The following KCNAB2 variants were observed in gnomAD, a reference collection of about 807,000 sequenced individuals.
KCNAB2 encodes the protein potassium voltage-gated channel subfamily A regulatory beta subunit 2, also known as voltage-gated potassium channel subunit beta-2.
In KCNAB2, 29 loss-of-function variants were observed where a neutral mutation model predicts 63.6. The observed-to-expected ratio is 0.46, with a 90% CI of 0.34 to 0.62. The LOEUF is 0.62. Ranked by LOEUF, KCNAB2 falls within the 20% of genes least tolerant of loss-of-function variation. The probability of loss-of-function intolerance (pLI) is 0.01; values close to 1 mark genes in which losing one functional copy is unlikely to be tolerated. For missense variants in KCNAB2, 359 were observed against 563.9 expected (o/e 0.64, Z 3.68); for synonymous variants, 222 against 224.2 (o/e 0.99, Z 0.09).
At chr1:6,095,681 G>T in intron 13 of KCNAB2, 57 bp downstream of exon 13, 1 of 1,516,174 alleles carries the variant, frequency 6.6e-7, no homozygotes, top group Non-Finnish European at 9.2e-7. Context: ...TTGGACGGGT[G>T]GGACCTTTGG....
chr1:6,082,129 G>A, intron 4 of KCNAB2, 66 bp from the exon 5 acceptor site: 3 of 1,402,936 alleles, frequency 2.1e-6, no homozygotes, highest in Non-Finnish European at 3.0e-6. Flanking sequence ...GGCCGAGAGG[G>A]TGGTGCTCCA....
At chr1:6,051,786 G>A (rs1661420437) in intron 2 of KCNAB2, 32 bp downstream of exon 2, 2 of 1,514,020 alleles carry the variant, frequency 1.3e-6, no homozygotes, top group African/African-American at 1.4e-5. Context: ...GGTGGGGTGG[G>A]AAGTCTGATT....
Position 6,082,203 on chromosome 1 carries a change from G to A in KCNAB2, c.309G>A (p.Glu103=), listed in dbSNP as rs772137851. 6.2e-7 allele frequency: 1 copy of A among 1,613,720 alleles called. No homozygotes were observed. Among genetic ancestry groups the A allele is most frequent in the Admixed American group, 1.7e-5 (1 of 60,020 alleles). ...CGGTTTTCTCGTTTCAGATGGCAGAGCAGCTCATGACCTTGGCCTATGATA... is the reference window on the plus strand; with the variant it reads ...CGGTTTTCTCGTTTCAGATGGCAGAACAGCTCATGACCTTGGCCTATGATA... ...FGGQITDEMA[E]QLMTLAYDNG... is the part of the protein sequence containing the mutation. The change falls in exon 5 of 16, where the codon GAG becomes GAA. Residue 103 remains glutamate, a synonymous_variant. Transcript: ENST00000378083.
At chr1:6,067,998 T>C (rs1190412655) in intron 2 of KCNAB2, among the ~76,000 whole-genome samples, 1 of 152,148 alleles carries the variant, frequency 6.6e-6, no homozygotes, top group Non-Finnish European at 1.5e-5. Context: ...GCCACAGCAC[T>C]CCAGCCTGGG....
In KCNAB2 at chr1:6,100,760, C is replaced by CAGGG. The variant is rs1201588835; in HGVS notation, c.*2190_*2193dup. 8 of 152,364 alleles carry CAGGG rather than the reference C, an allele frequency of 5.3e-5. No homozygotes were observed. The highest frequency in any genetic ancestry group is 7.3e-5 in the Non-Finnish European group (5 of 68,116). The allele number at this position is 152,364 out of a possible 1,614,324, so 9.4% of individuals were successfully genotyped here. On this transcript the variant is annotated 3_prime_UTR_variant, in exon 16 of 16. Coordinates refer to ENST00000378083, the MANE Select transcript of KCNAB2 (RefSeq NM_001199862.2). ...GTCCTGCTTGCTCCACACCCATCTACAGGGAGGATGTGAGGGGGCTCTGCC... is the reference window on the plus strand; with the variant it reads ...GTCCTGCTTGCTCCACACCCATCTACAGGGAGGGAGGATGTGAGGGGGCTCTGCC...
chr1:6,020,818 C>G (rs1365000454), intron 1 of KCNAB2, among the ~76,000 whole-genome samples: 2 of 152,128 alleles, frequency 1.3e-5, no homozygotes, highest in Non-Finnish European at 2.9e-5. Context: ...AAGTGCCCAC[C>G]ACCATGCCTG....
intron 8 of KCNAB2, among the ~76,000 whole-genome samples, chr1:6,089,935 C>G (rs559628218): frequency 6.6e-6 from 1 of 152,360 alleles, no homozygotes; most frequent in South Asian, 2.1e-4. Context: ...TCCTGGCCCT[C>G]AAGTGATGCG....
At chr1:6,093,102 A>C (rs561866841) in intron 10 of KCNAB2, among the ~76,000 whole-genome samples, 3 of 152,176 alleles carry the variant, frequency 2.0e-5, no homozygotes, top group Non-Finnish European at 4.4e-5. Context: ...GAACAAACCC[A>C]GCATCTTCCA....
At chr1:5,999,845 G>A (rs982055666) in intron 1 of KCNAB2, among the ~76,000 whole-genome samples, 1 of 150,006 alleles carries the variant, frequency 6.7e-6, no homozygotes, top group South Asian at 2.1e-4. Context: ...CCCCATGTGC[G>A]CCCCATCCGT....
intron 2 of KCNAB2, among the ~76,000 whole-genome samples, chr1:6,064,454 A>C: frequency 6.6e-6 from 1 of 152,206 alleles, no homozygotes; most frequent in East Asian, 1.9e-4. Context: ...AGTCTGAGCA[A>C]ATTCCATCTT....
intron 2 of KCNAB2, among the ~76,000 whole-genome samples, chr1:6,067,148 C>G (rs1035739845): frequency 6.6e-6 from 1 of 152,340 alleles, no homozygotes; most frequent in Non-Finnish European, 1.5e-5. Context: ...GTCTCTGAGT[C>G]CAGAGCCTTG....
At chr1:6,031,394 T>C (rs967848660), upstream of KCNAB2, among the ~76,000 whole-genome samples, 1 of 152,176 alleles carries the variant, frequency 6.6e-6, no homozygotes, top group African/African-American at 2.4e-5. The surrounding 1 kb of genome is among the most constrained non-coding windows in gnomAD (Gnocchi z 4.1). Flanking sequence ...ATAATAGTCA[T>C]TTACCATTAA....
chr1:6,085,291 G>A (rs540160792), intron 6 of KCNAB2, 43 bp downstream of exon 6: 231 of 1,581,504 alleles, frequency 1.5e-4, no homozygotes, highest in East Asian at 2.7e-4. Flanking sequence ...GGGTGGGTGC[G>A]GGCGAACTAT....
chr1:6,069,258 C>T lies in KCNAB2; in HGVS notation c.219-3497C>T, dbSNP rs191470168. Among the ~76,000 whole-genome samples, 5 of 152,332 alleles carry T rather than the reference C, an allele frequency of 3.3e-5. No individual in the cohort carries two copies. The highest frequency in any genetic ancestry group is 7.2e-5 in the African/African-American group (3 of 41,574). ...CTCCGCAACCAGCTAGCCAAGGCCACGGTGCTTGCCCTTCACCTGATCACA... is the reference window on the plus strand; with the variant it reads ...CTCCGCAACCAGCTAGCCAAGGCCATGGTGCTTGCCCTTCACCTGATCACA... On this transcript the variant is annotated intron_variant, in intron 2 of 15. Transcript: ENST00000378083. The surrounding 1 kb of genome is among the most constrained non-coding windows in gnomAD (Gnocchi z 5.4).
At position 6,100,006 on chromosome 1, in the gene KCNAB2, C is replaced by A. The variant is rs1479701394; in HGVS notation, c.*1432C>A. 2 of 1,540,382 alleles carry A rather than the reference C, an allele frequency of 1.3e-6. No homozygotes were observed. ...GGGCTCCACTGAAGCCACCCCCACC[C>A]CTCGCCAGCTAGCTCCATAGGGAAG... On this transcript the variant is annotated 3_prime_UTR_variant, in exon 16 of 16. Coordinates refer to ENST00000378083, the MANE Select transcript of KCNAB2 (RefSeq NM_001199862.2).
chr1:6,027,423 T>G (rs988916797), intron 1 of KCNAB2: 1 of 152,318 alleles, frequency 6.6e-6, no homozygotes, highest in African/African-American at 2.4e-5. Context: ...GGTCGTGCCG[T>G]CTGTGCAGCA....
At chr1:6,041,602 A>G (rs1660503363), upstream of KCNAB2, 10 of 559,898 alleles carry the variant, frequency 1.8e-5, no homozygotes, top group Non-Finnish European at 3.2e-5. Context: ...TGTCCAGGAA[A>G]CTGGCTCCGG....
intron 2 of KCNAB2, among the ~76,000 whole-genome samples, chr1:6,061,373 G>C (rs1662303357): frequency 6.6e-6 from 1 of 151,676 alleles, no homozygotes; most frequent in South Asian, 2.1e-4. Context: ...CCGGGCGGGG[G>C]CTCACGCCTG....
chr1:6,051,557 C>A lies in KCNAB2; in HGVS notation c.21C>A (p.Ser7Arg), dbSNP rs1476448889. The change falls in exon 2 of 16, where the codon AGC (serine) becomes AGA (arginine). Residue 7 changes from serine to arginine, a missense_variant. Physicochemically the swap from Ser to Arg is moderately radical, Grantham distance 110. This residue lies in a region of KCNAB2 where 88 missense variants were observed against 87.8 expected (regional missense o/e 1.00). Coordinates refer to ENST00000378083, the MANE Select transcript of KCNAB2 (RefSeq NM_001199862.2). The part of the protein sequence containing the change: MLSMTY[S>R]ESLRSVSSRC... ...GCACCATGCTGTCCATGACGTACAGCGAGAGTCTGCGGAGCGTGAGCAGCA... is the reference window on the plus strand; with the variant it reads ...GCACCATGCTGTCCATGACGTACAGAGAGAGTCTGCGGAGCGTGAGCAGCA... 3 of 1,531,582 alleles carry A rather than the reference C, an allele frequency of 2.0e-6. No individual in the cohort carries two copies. Among genetic ancestry groups the A allele is most frequent in the Non-Finnish European group, 2.6e-6 (3 of 1,143,988 alleles). 94.9% of individuals were successfully genotyped at this position (1,531,582 alleles called of 1,614,324 possible). A position where few individuals can be genotyped will look rare whatever the true frequency, so the allele number is the denominator to read the frequency against.
Sources: gnomAD v4.1 joint callset for allele counts (sites outside exome capture counted in the v4.1 genomes callset) on GRCh38, gnomAD v4.1.1 for gene constraint, gnomAD v4.1.1 regional missense constraint, Gnocchi (gnomAD v3.1) non-coding constraint, MANE v1.5 for transcripts, NCBI Gene and HGNC (gene_info 2026-07-23, HGNC 2026-07-21) for gene names.